DIP2C: variants seen among roughly 807,000 people sequenced by gnomAD.
DIP2C encodes the protein DIP2 acetate--CoA ligase C (putative), also known as disco-interacting protein 2 homolog C.
DIP2C carries 33 observed loss-of-function variants against 192.4 expected under a neutral mutation model. The ratio of observed to expected loss-of-function variants is 0.17; its 90% CI spans 0.13 to 0.23. DIP2C has a LOEUF of 0.23. Among genes scored for constraint, DIP2C ranks in the 10% least tolerant of loss-of-function variants. DIP2C has a pLI of 1.00. For synonymous variants in DIP2C, 979 were observed against 864.1 expected (o/e 1.13, Z -2.33); for missense variants, 1,537 against 2,110.1 (o/e 0.73, Z 5.32).
chr10:621,822 A>G (rs1336758161), intron 1 of DIP2C, among the ~76,000 whole-genome samples: 2 of 152,190 alleles, frequency 1.3e-5, no homozygotes, highest in African/African-American at 4.8e-5. Flanking sequence ...GGCTGACATC[A>G]TCAAACAAGA....
chr10:361,159 A>C (rs1444426068), intron 22 of DIP2C, among the ~76,000 whole-genome samples: 1 of 152,242 alleles, frequency 6.6e-6, no homozygotes, highest in Non-Finnish European at 1.5e-5. Context: ...CAGATGAGAC[A>C]CTAAATATAT....
intron 1 of DIP2C, among the ~76,000 whole-genome samples, chr10:567,227 C>T (rs374713614): frequency 2.7e-4 from 41 of 152,150 alleles, no homozygotes; most frequent in African/African-American, 9.6e-4. Context: ...ATCACTCTGT[C>T]GCCCAGACCA....
intron 5 of DIP2C, among the ~76,000 whole-genome samples, chr10:420,175 C>T (rs917889038): frequency 5.9e-5 from 9 of 152,224 alleles, no homozygotes; most frequent in African/African-American, 1.9e-4. Context: ...TGCCCATGTC[C>T]GCACCGTGCC....
At chr10:618,131 T>G (rs1379897870) in intron 1 of DIP2C, among the ~76,000 whole-genome samples, 1 of 152,254 alleles carries the variant, frequency 6.6e-6, no homozygotes, top group Non-Finnish European at 1.5e-5. Flanking sequence ...GTGAAACAAG[T>G]ATCTTCAACA....
At position 411,483 on chromosome 10, in the gene DIP2C, C is replaced by T. The variant is rs143058494; in HGVS notation, c.1057+2430G>A. Among the ~76,000 whole-genome samples, 130 of 152,304 alleles carry T rather than the reference C, an allele frequency of 8.5e-4. 1 individual carries two copies. Among genetic ancestry groups the T allele is most frequent in the African/African-American group, 2.8e-3 (116 of 41,552 alleles). On this transcript the variant is annotated intron_variant, in intron 8 of 36. Transcript: ENST00000280886. ...TTCTGTTACTGATCCCAAGTTTATC[C>T]GCTGGGAATTCTGCTACCCCAGCGC...
intron 1 of DIP2C, among the ~76,000 whole-genome samples, chr10:560,052 C>T (rs1002759242): frequency 6.6e-6 from 1 of 151,850 alleles, no homozygotes; most frequent in African/African-American, 2.4e-5. Flanking sequence ...TCCCTCCTGC[C>T]CTGTCACAGA....
rs1319558959 is a variant in DIP2C at position 274,880 on chromosome 10, GATTT to G, written c.*2441_*2444del. On this transcript the variant is annotated 3_prime_UTR_variant, in exon 37 of 37. Coordinates refer to ENST00000280886, the MANE Select transcript of DIP2C (RefSeq NM_014974.3). ...AAACATTTTTTACAATCTCATGAATGATTTATCTACAGTACAATTTTGAATACAG... is the reference window on the plus strand; with the variant it reads ...AAACATTTTTTACAATCTCATGAATGATCTACAGTACAATTTTGAATACAG... 11 of 152,182 alleles carry G rather than the reference GATTT, an allele frequency of 7.2e-5. No homozygotes were observed. Among genetic ancestry groups the G allele is most frequent in the African/African-American group, 2.7e-4 (11 of 41,438 alleles). The allele number at this position is 152,182 out of a possible 1,614,324, so 9.4% of individuals were successfully genotyped here.
chr10:431,272 G>C (rs1433322423), intron 4 of DIP2C, among the ~76,000 whole-genome samples: 1 of 152,160 alleles, frequency 6.6e-6, no homozygotes, highest in Non-Finnish European at 1.5e-5. Flanking sequence ...GGTTGGGACT[G>C]CATTGGAAGG....
intron 36 of DIP2C, among the ~76,000 whole-genome samples, chr10:278,996 C>A (rs1434824744): frequency 6.6e-6 from 1 of 152,104 alleles, no homozygotes; most frequent in Non-Finnish European, 1.5e-5. Context: ...TTAGGAAACT[C>A]ACTATTGTTC....
rs146729716 is a variant in DIP2C at position 486,347 on chromosome 10, C to G, written c.157+112G>C. ...GAATGCCTGGAGGGTGAACGCCAGA[C>G]GCCTCCTCCTGCCGACTGGGAAGCA... On this transcript the variant is annotated intron_variant, in intron 2 of 36. Transcript: ENST00000280886. 3.2e-5 allele frequency: 32 copies of G among 986,182 alleles called. No homozygotes were observed. The Admixed American group carries it at 3.9e-4, about 12-fold the overall frequency. The allele number at this position is 986,182 out of a possible 1,614,324, so 61.1% of individuals were successfully genotyped here.
In DIP2C at chr10:636,430, A is replaced by T. The variant is rs770653465; in HGVS notation, c.85+53064T>A. 1.3e-5 allele frequency among the ~76,000 whole-genome samples: 2 copies of T among 152,082 alleles called. No individual in the cohort carries two copies. Among genetic ancestry groups the T allele is most frequent in the Non-Finnish European group, 2.9e-5 (2 of 68,020 alleles). On this transcript the variant is annotated intron_variant, in intron 1 of 36. Coordinates refer to ENST00000280886, the MANE Select transcript of DIP2C (RefSeq NM_014974.3). This position sits in a 1 kb window ranked among gnomAD's most constrained non-coding sequence, Gnocchi z 4.6. ...GCTTTCTCACTCTCTCTCTCTGTAG[A>T]TTATACAGAGAGACAGATTCGTTTC... is the stretch of plus-strand genomic sequence containing the variant.
chr10:283,236 A>T lies in DIP2C; in HGVS notation c.4294+36T>A, dbSNP rs537220720. The T allele has an allele frequency of 1.0e-5, 15 of 1,480,092 alleles. No homozygotes were observed. The South Asian group carries it at 1.6e-4, about 16-fold the overall frequency. The allele number at this position is 1,480,092 out of a possible 1,614,324, so 91.7% of individuals were successfully genotyped here. On this transcript the variant is annotated intron_variant, in intron 35 of 36. Coordinates refer to ENST00000280886, the MANE Select transcript of DIP2C (RefSeq NM_014974.3). ...CTACAGGAGCCTAACCTCTCTGCCC[A>T]TCTGTTGGGGGGGGGCCGCCAGCCT...
intron 9 of DIP2C, among the ~76,000 whole-genome samples, chr10:404,221 T>C (rs1013941966): frequency 6.6e-6 from 1 of 152,054 alleles, no homozygotes; most frequent in Non-Finnish European, 1.5e-5. Context: ...TTTTTTTTTT[T>C]TTTTTGAGAC....
intron 3 of DIP2C, among the ~76,000 whole-genome samples, chr10:446,410 T>C (rs1318817003): frequency 6.6e-6 from 1 of 151,902 alleles, no homozygotes; most frequent in East Asian, 1.9e-4. Flanking sequence ...CATGGTCCAC[T>C]GGGCATCTGT....
intron 1 of DIP2C, chr10:664,782 T>A (rs978367953): frequency 2.0e-5 from 3 of 152,156 alleles, no homozygotes; most frequent in Non-Finnish European, 2.9e-5. Flanking sequence ...CAAATATATA[T>A]CTACAAATAT....
At position 424,350 on chromosome 10, in the gene DIP2C, C is replaced by T. The variant is rs142945156; in HGVS notation, c.395-1317G>A. ...TAAGAGCCTGAAAATTCTCTATCAC[C>T]TTGGGTTTTTTTTTTTTTTTTTTTT... On this transcript the variant is annotated intron_variant, in intron 4 of 36. Transcript: ENST00000280886. Among the ~76,000 whole-genome samples, 1,280 of 135,396 alleles carry T rather than the reference C, an allele frequency of 9.5e-3. 30 individuals are homozygous for T. The highest frequency in any genetic ancestry group is 0.035 in the African/African-American group (1,225 of 35,448). The allele number at this position is 135,396 out of a possible 152,430, so 88.8% of individuals were successfully genotyped here. A position where few individuals can be genotyped will look rare whatever the true frequency, so the allele number is the denominator to read the frequency against.
At chr10:299,221 T>G (rs1955902536) in intron 32 of DIP2C, among the ~76,000 whole-genome samples, 1 of 152,232 alleles carries the variant, frequency 6.6e-6, no homozygotes, top group African/African-American at 2.4e-5. Flanking sequence ...TTCCTGAGAA[T>G]AGGAATACTA....
intron 17 of DIP2C, among the ~76,000 whole-genome samples, chr10:378,884 AAC>A (rs538328426): frequency 1.8e-3 from 274 of 152,324 alleles, no homozygotes; most frequent in South Asian, 0.014. Flanking sequence ...GACACACGTG[AAC>A]ACAGACATGC....
chr10:500,665 A>T (rs1481123408), intron 1 of DIP2C, among the ~76,000 whole-genome samples: 1 of 152,254 alleles, frequency 6.6e-6, no homozygotes, highest in African/African-American at 2.4e-5. Flanking sequence ...AAAAGATTTA[A>T]AAAGTTGTAT....
Sources: allele counts gnomAD v4.1 joint callset (sites outside exome capture counted in the v4.1 genomes callset), GRCh38; gene constraint gnomAD v4.1.1; non-coding constraint Gnocchi (gnomAD v3.1); transcripts MANE v1.5; gene names NCBI Gene and HGNC (gene_info 2026-07-23, HGNC 2026-07-21).